CCDC7: variants seen among roughly 807,000 people sequenced by gnomAD.
CCDC7 encodes the protein coiled-coil domain-containing protein 7.
In CCDC7, 183 loss-of-function variants were observed where a neutral mutation model predicts 196.9. The ratio of observed to expected loss-of-function variants is 0.93; its 90% CI spans 0.82 to 1.05. The LOEUF (loss-of-function observed/expected upper bound fraction) is 1.05. CCDC7 is among the 50% of genes least tolerant of loss of function. The pLI, the probability that CCDC7 is intolerant of heterozygous loss-of-function variation, is 0.00. For missense variants in CCDC7, 1,540 were observed against 1,482.2 expected, an observed-to-expected ratio of 1.04 and a Z score of -0.64; for synonymous variants, 525 against 484.6, an observed-to-expected ratio of 1.08 and a Z score of -1.10.
intron 39 of CCDC7, 125 bp from the exon 41 acceptor site, chr10:32,851,682 T>C (rs1360325286): frequency 3.2e-6 from 3 of 942,186 alleles, no homozygotes; most frequent in East Asian, 5.8e-5. Flanking sequence ...CCTTTCAGTT[T>C]TTTTAAATGT....
chr10:32,624,399 A>G (rs2063746500), intron 18 of CCDC7, among the ~76,000 whole-genome samples: 1 of 152,202 alleles, frequency 6.6e-6, no homozygotes, highest in African/African-American at 2.4e-5. Flanking sequence ...AGCAGTCAAC[A>G]GTTCTACCAA....
rs553492342 is a variant in CCDC7, at chr10:32,471,829, A to G, written c.677+599A>G. The stretch of plus-strand genomic sequence containing the variant: ...TCTCTGTCAATAACTGAAAATAATG[A>G]AGAGAGTGGTACTTGAGTTGGCTCC... On this transcript the variant is annotated intron_variant, in intron 6 of 41. Transcript: ENST00000639629. Among the ~76,000 whole-genome samples, 5 of 152,272 alleles carry G rather than the reference A, an allele frequency of 3.3e-5. No individual in the cohort carries two copies. In the South Asian group the frequency reaches 1.0e-3, roughly 32 times the overall value.
intron 23 of CCDC7, among the ~76,000 whole-genome samples, chr10:32,691,726 G>A (rs2077106743): frequency 6.6e-6 from 1 of 151,708 alleles, no homozygotes; most frequent in South Asian, 2.1e-4. Flanking sequence ...TTTTCCAGTA[G>A]CAGGGAACAC....
intron 30 of CCDC7, 137 bp from the exon 32 acceptor site, chr10:32,814,233 C>G (rs2087849304): frequency 1.7e-6 from 1 of 599,878 alleles, no homozygotes; most frequent in African/African-American, 1.8e-5. Context: ...GCTGGGATTA[C>G]AGGCGTGAGC....
At chr10:32,871,380 A>G (rs2136815006) in intron 41 of CCDC7, among the ~76,000 whole-genome samples, 1 of 152,088 alleles carries the variant, frequency 6.6e-6, no homozygotes, top group South Asian at 2.1e-4. Context: ...TTTCTAGTTT[A>G]TTTGCGTAGA....
intron 20 of CCDC7, among the ~76,000 whole-genome samples, chr10:32,642,638 A>C (rs1564935593): frequency 6.6e-6 from 1 of 152,150 alleles, no homozygotes; most frequent in Non-Finnish European, 1.5e-5. Flanking sequence ...GCTTCAGCTT[A>C]GGCTCGGTGC....
intron 32 of CCDC7, among the ~76,000 whole-genome samples, chr10:32,828,430 G>GAA (rs151097370): frequency 0.041 from 3,891 of 94,646 alleles, 488 homozygotes; most frequent in African/African-American, 0.083. Context: ...AGAAGAAGAA[G>GAA]GAAGGAAGGA....
Position 32,832,297 on chromosome 10 carries a change from G to T in CCDC7, c.3269-2518G>T, listed in dbSNP as rs140042854. ...TGGGGGTGGATCACTTGAGGTCAGTGGTTCAAGACCAGTCTGGCCAACCTG... is the reference window on the plus strand; with the variant it reads ...TGGGGGTGGATCACTTGAGGTCAGTTGTTCAAGACCAGTCTGGCCAACCTG... On this transcript the variant is annotated intron_variant, in intron 32 of 41. Transcript: ENST00000639629. Among the ~76,000 whole-genome samples the T allele has an allele frequency of 6.5e-3, 985 of 152,142 alleles. 9 individuals are homozygous for T. The highest frequency in any genetic ancestry group is 0.021 in the African/African-American group (870 of 41,516).
chr10:32,547,484 C>G (rs1402385272), intron 13 of CCDC7, among the ~76,000 whole-genome samples: 1 of 152,090 alleles, frequency 6.6e-6, no homozygotes, highest in Non-Finnish European at 1.5e-5. Flanking sequence ...AAGCAAGCCA[C>G]AGATCCCACC....
intron 31 of CCDC7, among the ~76,000 whole-genome samples, chr10:32,819,109 G>T (rs1027268614): frequency 6.6e-6 from 1 of 151,850 alleles, no homozygotes; most frequent in Non-Finnish European, 1.5e-5. Flanking sequence ...TCAAATAGAC[G>T]CAATAAAAAA....
intron 28 of CCDC7, among the ~76,000 whole-genome samples, chr10:32,773,468 A>AT (rs2079489303): frequency 6.6e-6 from 1 of 150,834 alleles, no homozygotes; most frequent in African/African-American, 2.4e-5. Context: ...CTTTTTTTGA[A>AT]TTTTTTATTC....
intron 14 of CCDC7, 72 bp from the exon 16 acceptor site, chr10:32,567,597 AT>A: frequency 6.8e-7 from 1 of 1,465,122 alleles, no homozygotes; most frequent in Non-Finnish European, 9.1e-7. Context: ...ATATATGTAG[AT>A]TCCTGAATGT....
At chr10:32,556,384 T>C (rs1470676792) in intron 13 of CCDC7, among the ~76,000 whole-genome samples, 1 of 152,206 alleles carries the variant, frequency 6.6e-6, no homozygotes, top group Non-Finnish European at 1.5e-5. Flanking sequence ...TAGTTTGATG[T>C]TGTCTGGTAC....
Position 32,601,293 on chromosome 10 carries a change from A to C in CCDC7, c.1801+16989A>C, listed in dbSNP as rs181217550. Among the ~76,000 whole-genome samples, 86 of 152,068 alleles carry C rather than the reference A, an allele frequency of 5.7e-4. No homozygotes were observed. The Middle Eastern group carries it at 0.014, about 24-fold the overall frequency. On this transcript the variant is annotated intron_variant, in intron 18 of 41. Transcript: ENST00000639629. ...ACCATGTTGACCAGGCTGGTCTCAA[A>C]CTCCTGACCTCAAGTAAACCACCTG... is the stretch of plus-strand genomic sequence containing the variant.
At chr10:32,454,714 C>G (rs1397877725) in intron 2 of CCDC7, among the ~76,000 whole-genome samples, 1 of 152,128 alleles carries the variant, frequency 6.6e-6, no homozygotes, top group Non-Finnish European at 1.5e-5. Flanking sequence ...CTCCAATGAT[C>G]TTGTATTTTA....
At chr10:32,639,067 G>A (rs1468020771) in intron 20 of CCDC7, among the ~76,000 whole-genome samples, 5 of 152,080 alleles carry the variant, frequency 3.3e-5, no homozygotes, top group Admixed American at 6.6e-5. Flanking sequence ...CTGTGGGATC[G>A]CTGGTGATGT....
chr10:32,720,432 G>C (rs1431857277), intron 25 of CCDC7, among the ~76,000 whole-genome samples: 1 of 151,992 alleles, frequency 6.6e-6, no homozygotes, highest in Non-Finnish European at 1.5e-5. Context: ...GGGGGTAGGG[G>C]GTCAAGGGGA....
chr10:32,873,323 G>A (rs1015435721), intron 41 of CCDC7, among the ~76,000 whole-genome samples: 4 of 151,606 alleles, frequency 2.6e-5, no homozygotes, highest in South Asian at 4.2e-4. Flanking sequence ...CCAGTTGATC[G>A]AATTGGCTAC....
At chr10:32,767,522 T>C (rs572058209) in intron 28 of CCDC7, among the ~76,000 whole-genome samples, 2 of 152,206 alleles carry the variant, frequency 1.3e-5, no homozygotes, top group South Asian at 4.1e-4. Context: ...CAGAGCAAGA[T>C]GGCTGAAAAG....
Sources: allele counts gnomAD v4.1 joint callset (sites outside exome capture counted in the v4.1 genomes callset), GRCh38; gene constraint gnomAD v4.1.1; transcripts MANE v1.5; gene names NCBI Gene and HGNC (gene_info 2026-07-23, HGNC 2026-07-21).